The following ESRRG variants were observed in gnomAD, a reference collection of about 807,000 sequenced individuals.
ESRRG encodes estrogen related receptor gamma.
In ESRRG, 13 loss-of-function variants were observed where a neutral mutation model predicts 44.0. That is an observed-to-expected ratio of 0.30 (90% CI 0.19 to 0.47). ESRRG has a LOEUF of 0.47. ESRRG is among the 20% of genes least tolerant of loss of function. ESRRG has a pLI of 1.00. For missense variants in ESRRG, 395 were observed against 580.6 expected, an observed-to-expected ratio of 0.68 and a Z score of 3.29; for synonymous variants, 215 against 214.6, an observed-to-expected ratio of 1.00 and a Z score of -0.02.
intron 1 of ESRRG, among the ~76,000 whole-genome samples, chr1:216,948,923 C>T (rs1429109853): frequency 6.6e-6 from 1 of 152,064 alleles, no homozygotes; most frequent in African/African-American, 2.4e-5. Context: ...TACTTAGGGC[C>T]CCCAAAACAA....
At chr1:216,633,052 T>C (rs542485717) in intron 3 of ESRRG, among the ~76,000 whole-genome samples, 4 of 152,282 alleles carry the variant, frequency 2.6e-5, no homozygotes, top group East Asian at 3.9e-4. Context: ...TCCAGAATCT[T>C]GAAGACTTTC....
chr1:216,607,392 A>G (rs148445509), intron 3 of ESRRG, among the ~76,000 whole-genome samples: 19 of 145,370 alleles, frequency 1.3e-4, no homozygotes, highest in African/African-American at 3.9e-4. Context: ...CTTACAAAAT[A>G]AAAGTAAATG....
intron 3 of ESRRG, among the ~76,000 whole-genome samples, chr1:216,601,693 A>G (rs2059282419): frequency 6.6e-6 from 1 of 152,134 alleles, no homozygotes; most frequent in Non-Finnish European, 1.5e-5. Flanking sequence ...AAGTTGGAAT[A>G]TTATTTCATT....
intron 5 of ESRRG, among the ~76,000 whole-genome samples, chr1:216,562,097 T>C (rs1264007492): frequency 1.3e-5 from 2 of 152,176 alleles, no homozygotes; most frequent in Non-Finnish European, 2.9e-5. Context: ...ACTAGAAAGT[T>C]CAAAAGAAAT....
At chr1:217,106,564 C>T (rs941197213) in intron 1 of ESRRG, among the ~76,000 whole-genome samples, 2 of 152,140 alleles carry the variant, frequency 1.3e-5, no homozygotes, top group Non-Finnish European at 2.9e-5. Context: ...AGAAGAAAAG[C>T]TCTGAGTTGT....
At chr1:216,684,065 C>T (rs1024261979) in intron 1 of ESRRG, among the ~76,000 whole-genome samples, 3 of 152,094 alleles carry the variant, frequency 2.0e-5, no homozygotes, top group Admixed American at 6.5e-5. Flanking sequence ...CTAATAAGAT[C>T]GACTAAACTA....
intron 2 of ESRRG, among the ~76,000 whole-genome samples, chr1:216,934,437 A>C (rs1388070142): frequency 6.6e-6 from 1 of 152,142 alleles, no homozygotes; most frequent in Non-Finnish European, 1.5e-5. Flanking sequence ...CCATCTCAAA[A>C]ATAAAAAGAA....
intron 5 of ESRRG, among the ~76,000 whole-genome samples, chr1:216,549,455 A>G (rs1361916953): frequency 6.6e-6 from 1 of 152,116 alleles, no homozygotes; most frequent in African/African-American, 2.4e-5. Context: ...CAAATAAATA[A>G]AGAAATAAAG....
intron 2 of ESRRG, among the ~76,000 whole-genome samples, chr1:216,808,177 C>T (rs1339340): frequency 0.89 from 135,680 of 151,768 alleles, 60,767 homozygotes; most frequent in Middle Eastern, 0.92. Context: ...TCCAAATATG[C>T]TCCAAAAGTT....
intron 2 of ESRRG, among the ~76,000 whole-genome samples, chr1:216,830,692 A>G (rs949847056): frequency 6.6e-6 from 1 of 152,150 alleles, no homozygotes; most frequent in Non-Finnish European, 1.5e-5. Context: ...ATTTGTGGGC[A>G]GACTTTTAAG....
chr1:216,725,471 A>G (rs561902775), upstream of ESRRG, among the ~76,000 whole-genome samples: 1 of 152,176 alleles, frequency 6.6e-6, no homozygotes, highest in East Asian at 1.9e-4. Context: ...AATCTAAAAT[A>G]AGACACGTAA....
chr1:216,651,819 T>G (rs973025891), intron 2 of ESRRG, among the ~76,000 whole-genome samples: 6 of 152,174 alleles, frequency 3.9e-5, no homozygotes, highest in African/African-American at 1.4e-4. Context: ...ATTATATATT[T>G]TTAAGATTAG....
At chr1:216,929,723 A>C (rs1017550186) in intron 2 of ESRRG, among the ~76,000 whole-genome samples, 1 of 152,208 alleles carries the variant, frequency 6.6e-6, no homozygotes, top group Non-Finnish European at 1.5e-5. Flanking sequence ...TGCAGACCAC[A>C]GGGGGCCTAG....
chr1:217,014,214 G>T (rs1309455138), intron 1 of ESRRG, among the ~76,000 whole-genome samples: 1 of 152,058 alleles, frequency 6.6e-6, no homozygotes, highest in East Asian at 1.9e-4. Context: ...ATTTCTGGGG[G>T]TGTTTTCTGA....
At chr1:216,540,484 G>A (rs530599845) in intron 5 of ESRRG, among the ~76,000 whole-genome samples, 1 of 152,068 alleles carries the variant, frequency 6.6e-6, no homozygotes, top group South Asian at 2.1e-4. Context: ...TTCATTAAAT[G>A]TACCAACTCA....
intron 3 of ESRRG, among the ~76,000 whole-genome samples, chr1:216,601,857 A>G (rs115445573): frequency 0.016 from 2,498 of 152,300 alleles, 79 homozygotes; most frequent in African/African-American, 0.057. Context: ...ATACTTTGTA[A>G]CATTCTGGAA....
At chr1:216,567,897 C>T in intron 4 of ESRRG, 91 bp downstream of exon 4, 1 of 788,794 alleles carries the variant, frequency 1.3e-6, no homozygotes, top group Admixed American at 1.9e-5. Context: ...TCCTTGGAGT[C>T]AGTAGGGATG....
chr1:216,956,234 G>T (rs1290804523), intron 1 of ESRRG, among the ~76,000 whole-genome samples: 1 of 152,002 alleles, frequency 6.6e-6, no homozygotes, highest in Non-Finnish European at 1.5e-5. Flanking sequence ...GAGGGATAGG[G>T]ATACAGTTTC....
chr1:216,958,451 T>C (rs1168596632), intron 1 of ESRRG, among the ~76,000 whole-genome samples: 1 of 152,136 alleles, frequency 6.6e-6, no homozygotes, highest in Non-Finnish European at 1.5e-5. Context: ...CGTGTTGATA[T>C]TGTTCGTTTT....
Sources: allele counts gnomAD v4.1 joint callset (sites outside exome capture counted in the v4.1 genomes callset), GRCh38; gene constraint gnomAD v4.1.1; transcripts MANE v1.5; gene names NCBI Gene and HGNC (gene_info 2026-07-23, HGNC 2026-07-21).